Variants in IPO11 observed in about 807,000 individuals in gnomAD.
IPO11 encodes the protein importin-11.
A neutral mutation model predicts 143.2 loss-of-function variants in IPO11; 66 were observed. The ratio of observed to expected loss-of-function variants is 0.46; its 90% CI spans 0.38 to 0.57. The LOEUF (loss-of-function observed/expected upper bound fraction) is 0.57. IPO11 is among the 20% of genes least tolerant of loss of function. The probability of loss-of-function intolerance (pLI) is 0.00; values close to 1 mark genes in which losing one functional copy is unlikely to be tolerated. For synonymous variants in IPO11, 385 were observed against 377.8 expected, an observed-to-expected ratio of 1.02 and a Z score of -0.22; for missense variants, 1,026 against 1,141.0, an observed-to-expected ratio of 0.90 and a Z score of 1.45.
rs964794677 is a variant in IPO11 at position 62,627,471 on chromosome 5, G to A, written c.*153G>A. On this transcript the variant is annotated 3_prime_UTR_variant, in exon 30 of 30. Transcript: ENST00000325324. ...TTACTACAAAATGTAAAGGATAAAT[G>A]TAAATCCTGCATAACTAAAATCACA... 5 of 654,174 alleles carry A rather than the reference G, an allele frequency of 7.6e-6. No homozygotes were observed. The highest frequency in any genetic ancestry group is 3.6e-5 in the African/African-American group (2 of 55,070). The allele number at this position is 654,174 out of a possible 1,614,324, so 40.5% of individuals were successfully genotyped here.
At chr5:62,414,587 GT>G (rs1156280112) in intron 1 of IPO11, among the ~76,000 whole-genome samples, 1 of 152,152 alleles carries the variant, frequency 6.6e-6, no homozygotes, top group Non-Finnish European at 1.5e-5. Flanking sequence ...TTACAGATAA[GT>G]CCACAGTTAT....
At chr5:62,434,485 A>G (rs533385222) in intron 1 of IPO11, among the ~76,000 whole-genome samples, 4 of 151,946 alleles carry the variant, frequency 2.6e-5, no homozygotes, top group Admixed American at 2.6e-4. Flanking sequence ...TTTTCTGTAG[A>G]GACGGGATTT....
At chr5:62,464,839 A>T (rs1745512674) in intron 5 of IPO11, among the ~76,000 whole-genome samples, 1 of 152,206 alleles carries the variant, frequency 6.6e-6, no homozygotes, top group East Asian at 1.9e-4. Flanking sequence ...TTCAATATAA[A>T]GTCCTTTTAA....
chr5:62,464,143 GTTT>G (rs34056674), intron 5 of IPO11, among the ~76,000 whole-genome samples: 7 of 78,670 alleles, frequency 8.9e-5, no homozygotes, highest in East Asian at 3.9e-4. Context: ...GTTTTTGGTG[GTTT>G]TTTTTTTTTT....
At chr5:62,483,948 C>G in intron 10 of IPO11, 62 bp from the exon 11 acceptor site, 1 of 1,360,316 alleles carries the variant, frequency 7.4e-7, no homozygotes, top group Non-Finnish European at 1.0e-6. Context: ...ATTTAAGTTA[C>G]ATAATCCAAT....
At chr5:62,589,230 C>T (rs897628066) in intron 27 of IPO11, among the ~76,000 whole-genome samples, 15 of 152,130 alleles carry the variant, frequency 9.9e-5, no homozygotes, top group African/African-American at 3.6e-4. Context: ...TAGTTATTAC[C>T]CTATTGTTTC....
chr5:62,570,689 G>T lies in IPO11; in HGVS notation c.2582+9432G>T, dbSNP rs73108066. ...TGAATGCTTGTTAATTTGATACTAC[G>T]TTCTCAATGCTTTCCTCATATCTAG... On this transcript the variant is annotated intron_variant, in intron 27 of 29. Transcript: ENST00000325324. Among the ~76,000 whole-genome samples, 3 of 152,200 alleles carry T rather than the reference G, an allele frequency of 2.0e-5. No individual in the cohort carries two copies. In the East Asian group the frequency reaches 5.8e-4, roughly 29 times the overall value.
chr5:62,502,808 CTTTCCTTTTTCCTTT>C (rs372224680), intron 16 of IPO11, among the ~76,000 whole-genome samples: 17 of 151,652 alleles, frequency 1.1e-4, no homozygotes, highest in African/African-American at 2.4e-4. Context: ...TTTTCCTTTC[CTTTCCTTTTTCCTTT>C]TTTCCTTTTT....
At position 62,426,931 on chromosome 5, in the gene IPO11, G is replaced by GTTTT. The variant is rs763031944; in HGVS notation, c.-6-10323_-6-10320dup. Among the ~76,000 whole-genome samples, 142 of 90,240 alleles carry GTTTT rather than the reference G, an allele frequency of 1.6e-3. 5 individuals carry two copies. Among genetic ancestry groups the GTTTT allele is most frequent in the Middle Eastern group, 0.013 (1 of 80 alleles). 59.2% of individuals were successfully genotyped at this position (90,240 alleles called of 152,430 possible). On this transcript the variant is annotated intron_variant, in intron 1 of 29. Transcript: ENST00000325324. The stretch of plus-strand genomic sequence containing the variant: ...CAAAATGCACTTCTTTTTTCTTTCT[G>GTTTT]TTTTTTTTTTTTTTTTTTTTTTTGA...
intron 29 of IPO11, among the ~76,000 whole-genome samples, chr5:62,608,978 G>A (rs1745833093): frequency 6.6e-6 from 1 of 152,156 alleles, no homozygotes; most frequent in African/African-American, 2.4e-5. Context: ...TTTCTGGAAT[G>A]TTATGCAGTA....
At chr5:62,607,971 C>T (rs1745787778) in intron 29 of IPO11, among the ~76,000 whole-genome samples, 2 of 152,078 alleles carry the variant, frequency 1.3e-5, no homozygotes, top group African/African-American at 4.8e-5. Flanking sequence ...TGTGCACCAC[C>T]ACTGCTGGAT....
At chr5:62,604,258 G>C (rs1405147732) in intron 29 of IPO11, among the ~76,000 whole-genome samples, 2 of 152,286 alleles carry the variant, frequency 1.3e-5, no homozygotes, top group African/African-American at 2.4e-5. Flanking sequence ...ACCCAGGCTG[G>C]AGTGCAGTGG....
chr5:62,440,559 G>A (rs945502712), intron 2 of IPO11, among the ~76,000 whole-genome samples: 1 of 151,908 alleles, frequency 6.6e-6, no homozygotes. Context: ...GTTTCACCAT[G>A]TTGGCCAGGC....
chr5:62,562,344 G>C (rs1427238895), intron 27 of IPO11: 2 of 152,494 alleles, frequency 1.3e-5, no homozygotes, highest in African/African-American at 4.8e-5. Context: ...GCGGTCCCCA[G>C]CCTTCTTGGC....
intron 13 of IPO11, among the ~76,000 whole-genome samples, chr5:62,488,910 G>C (rs1423149986): frequency 1.3e-5 from 2 of 152,172 alleles, no homozygotes; most frequent in African/African-American, 4.8e-5. Context: ...GGCTGAGGTT[G>C]GAGGATCATT....
intron 22 of IPO11, 101 bp from the exon 23 acceptor site, chr5:62,536,601 G>A: frequency 1.8e-5 from 24 of 1,349,142 alleles, no homozygotes; most frequent in Non-Finnish European, 2.4e-5. Context: ...GGTTTCTAGA[G>A]TATGCAAATT....
At chr5:62,474,110 T>C (rs917605004) in intron 7 of IPO11, among the ~76,000 whole-genome samples, 1 of 152,132 alleles carries the variant, frequency 6.6e-6, no homozygotes, top group African/African-American at 2.4e-5. Context: ...TGAAGAAAAA[T>C]TAAAGCAGTA....
chr5:62,510,374 A>G (rs1172483805), intron 19 of IPO11, among the ~76,000 whole-genome samples: 3 of 152,192 alleles, frequency 2.0e-5, no homozygotes, highest in African/African-American at 7.2e-5. Flanking sequence ...ATCACTTACT[A>G]ATATTTTACC....
chr5:62,446,811 A>G (rs185368336), intron 3 of IPO11, among the ~76,000 whole-genome samples: 46 of 152,206 alleles, frequency 3.0e-4, no homozygotes, highest in Non-Finnish European at 5.6e-4. Flanking sequence ...TCTACTAAAA[A>G]TACAAAAACT....
Sources: gnomAD v4.1 joint callset for allele counts (sites outside exome capture counted in the v4.1 genomes callset) on GRCh38, gnomAD v4.1.1 for gene constraint, MANE v1.5 for transcripts, NCBI Gene and HGNC (gene_info 2026-07-23, HGNC 2026-07-21) for gene names.